The following VIPAS39 variants were observed in gnomAD, a reference collection of about 807,000 sequenced individuals.
VIPAS39 encodes VPS33B interacting protein, apical-basolateral polarity regulator, spe-39 homolog.
In VIPAS39, 63 loss-of-function variants were observed where a neutral mutation model predicts 84.7. The ratio of observed to expected loss-of-function variants is 0.74; its 90% CI spans 0.61 to 0.92. The LOEUF (loss-of-function observed/expected upper bound fraction) is 0.92, where lower values mean the gene tolerates loss of function less well. VIPAS39 is among the 40% of genes least tolerant of loss of function. The pLI is 0.00. For missense variants in VIPAS39, 499 were observed against 604.5 expected, an observed-to-expected ratio of 0.83 and a Z score of 1.83; for synonymous variants, 192 against 216.5, an observed-to-expected ratio of 0.89 and a Z score of 0.99.
At chr14:77,438,332 G>A (rs559264926) in intron 11 of VIPAS39, among the ~76,000 whole-genome samples, 4 of 151,510 alleles carry the variant, frequency 2.6e-5, no homozygotes, top group South Asian at 2.1e-4. Context: ...AGGTTCAAGC[G>A]ATTCTCCTGC....
At chr14:77,444,641 C>A (rs547629563) in intron 7 of VIPAS39, among the ~76,000 whole-genome samples, 3 of 150,550 alleles carry the variant, frequency 2.0e-5, no homozygotes, top group Non-Finnish European at 4.4e-5. Flanking sequence ...GGCTCAATCT[C>A]GGCTCACTGC....
In VIPAS39 at chr14:77,440,782, G is replaced by T. The variant is rs554730350; in HGVS notation, c.762+284C>A. Among the ~76,000 whole-genome samples the T allele has an allele frequency of 5.9e-5, 9 of 152,238 alleles. No homozygotes were observed. In the South Asian group the frequency reaches 1.9e-3, roughly 32 times the overall value. On this transcript the variant is annotated intron_variant, in intron 11 of 19. Transcript: ENST00000557658. ...TGCCCAGGCTGGAGTGCAATGGCACGATCTCAGATCACTGCAACCTCCCCA... is the reference window on the plus strand; with the variant it reads ...TGCCCAGGCTGGAGTGCAATGGCACTATCTCAGATCACTGCAACCTCCCCA...
intron 7 of VIPAS39, 32 bp downstream of exon 7, chr14:77,448,462 C>T: frequency 1.2e-6 from 2 of 1,612,178 alleles, no homozygotes; most frequent in Non-Finnish European, 1.7e-6. Context: ...CCCAGCTTCC[C>T]AAAGAACCTC....
chr14:77,450,552 C>A (rs190022803), intron 4 of VIPAS39, among the ~76,000 whole-genome samples: 4 of 152,192 alleles, frequency 2.6e-5, no homozygotes, highest in Admixed American at 2.6e-4. Flanking sequence ...GCTCTGTCAC[C>A]CAGGCTAGAC....
chr14:77,432,072 G>A (rs1269102461), intron 16 of VIPAS39, among the ~76,000 whole-genome samples: 1 of 152,154 alleles, frequency 6.6e-6, no homozygotes, highest in Non-Finnish European at 1.5e-5. Context: ...GTACTGTACT[G>A]TAATCAGGAG....
At chr14:77,451,885 G>C (rs1035183365) in intron 3 of VIPAS39, among the ~76,000 whole-genome samples, 30 of 152,208 alleles carry the variant, frequency 2.0e-4, no homozygotes, top group Non-Finnish European at 4.0e-4. Flanking sequence ...CTCCATTGCT[G>C]GTGGTAGTAT....
intron 13 of VIPAS39, 22 bp from the exon 14 acceptor site, chr14:77,435,415 G>GGAA (rs113558496): frequency 9.9e-5 from 146 of 1,470,442 alleles, no homozygotes; most frequent in Non-Finnish European, 1.3e-4. Context: ...TGAGCCAAGT[G>GGAA]AAAAAAAAAA....
rs368874079 is a variant in VIPAS39 at position 77,428,497 on chromosome 14, C to A, written c.1357-23G>T. On this transcript the variant is annotated intron_variant, in intron 18 of 19. Coordinates refer to ENST00000557658, the MANE Select transcript of VIPAS39 (RefSeq NM_001193315.2). ...GGTCTGTGCATCAAAACAAACAATA[C>A]AAACCTCCAATCAGCCTCTGTACAG... is the stretch of plus-strand genomic sequence containing the variant. The A allele has an allele frequency of 6.3e-5, 101 of 1,609,144 alleles. No homozygotes were observed. The African/African-American group carries it at 1.2e-3, about 20-fold the overall frequency.
chr14:77,457,198 G>A (rs939101588), intron 1 of VIPAS39: 7 of 1,501,166 alleles, frequency 4.7e-6, no homozygotes, highest in Non-Finnish European at 4.4e-6. Context: ...ATGACTCTAC[G>A]GGTGAACGTC....
At chr14:77,435,132 A>G (rs2078586902) in intron 14 of VIPAS39, 127 bp downstream of exon 14, 1 of 1,473,234 alleles carries the variant, frequency 6.8e-7, no homozygotes, top group African/African-American at 1.4e-5. Flanking sequence ...GGGCCAGGAA[A>G]GCTTCCAGGT....
Position 77,429,077 on chromosome 14 carries a change from T to C in VIPAS39, c.1285A>G (p.Asn429Asp). The change falls in exon 18 of 20, where the codon AAT (asparagine) becomes GAT (aspartate). Residue 429 changes from asparagine to aspartate, a missense_variant. Physicochemically the swap from Asn to Asp is conservative, Grantham distance 23 (BLOSUM62 1). Transcript: ENST00000557658. The part of the protein sequence containing the change: ...APVQILQEYV[N>D]LVEDVDTKLN... ...TTCGTGTCCACATCTTCCACCAGAT[T>C]GACATACTCCTGTAATATCTGTGGG... 1 of 1,613,984 alleles carries C rather than the reference T, an allele frequency of 6.2e-7. No homozygotes were observed. The highest frequency in any genetic ancestry group is 8.5e-7 in the Non-Finnish European group (1 of 1,179,880).
At chr14:77,434,451 T>C (rs889900577) in intron 14 of VIPAS39, 148 bp from the exon 15 acceptor site, 7 of 785,104 alleles carry the variant, frequency 8.9e-6, no homozygotes, top group African/African-American at 6.8e-5. Context: ...AAAAGCTCCA[T>C]TGGGAATAGT....
intron 7 of VIPAS39, among the ~76,000 whole-genome samples, chr14:77,445,512 T>A (rs2078774341): frequency 6.6e-6 from 1 of 152,104 alleles, no homozygotes; most frequent in Non-Finnish European, 1.5e-5. Flanking sequence ...AGCCTCGACT[T>A]CCTGGGCTCA....
intron 11 of VIPAS39, among the ~76,000 whole-genome samples, chr14:77,439,467 A>T (rs1438722281): frequency 6.6e-6 from 1 of 152,190 alleles, no homozygotes; most frequent in Non-Finnish European, 1.5e-5. Flanking sequence ...CATGCTTTGA[A>T]TATTAAGTAC....
intron 3 of VIPAS39, 98 bp from the exon 4 acceptor site, chr14:77,451,431 T>C: frequency 6.3e-7 from 1 of 1,591,500 alleles, no homozygotes. Context: ...CCAGAAGCCC[T>C]GGTCCCTTGG....
rs1319438629 is a variant in VIPAS39 at position 77,449,360 on chromosome 14, G to A, written c.383-3C>T. The A allele has an allele frequency of 1.9e-6, 3 of 1,614,054 alleles. No individual in the cohort carries two copies. Among genetic ancestry groups the A allele is most frequent in the Non-Finnish European group, 2.5e-6 (3 of 1,180,044 alleles). On this transcript the variant is annotated splice_region_variant and splice_polypyrimidine_tract_variant and intron_variant, in intron 5 of 19. Transcript: ENST00000557658. ...TTTGGCAGGTGTGTCTGACAGAGCTGAAAAAGAATAAGCAGCTGGTTCAGA... is the reference window on the plus strand; with the variant it reads ...TTTGGCAGGTGTGTCTGACAGAGCTAAAAAAGAATAAGCAGCTGGTTCAGA...
chr14:77,457,251 T>A, intron 1 of VIPAS39: 1 of 1,534,346 alleles, frequency 6.5e-7, no homozygotes, highest in South Asian at 1.2e-5. Context: ...GCCCAGCGGA[T>A]CCCTGGCAGA....
intron 16 of VIPAS39, among the ~76,000 whole-genome samples, chr14:77,433,088 G>GA (rs908592073): frequency 6.6e-6 from 1 of 151,966 alleles, no homozygotes; most frequent in Non-Finnish European, 1.5e-5. Flanking sequence ...GATCCTGATA[G>GA]AAAAAAATAC....
intron 7 of VIPAS39, among the ~76,000 whole-genome samples, chr14:77,447,963 C>T (rs1344573108): frequency 9.3e-5 from 13 of 140,276 alleles, no homozygotes; most frequent in Admixed American, 2.1e-4. Flanking sequence ...TGCCCGGCTT[C>T]TCTTTTTTTT....
Sources: allele counts gnomAD v4.1 joint callset (sites outside exome capture counted in the v4.1 genomes callset), GRCh38; gene constraint gnomAD v4.1.1; transcripts MANE v1.5; gene names NCBI Gene and HGNC (gene_info 2026-07-23, HGNC 2026-07-21).